CALD1: variants seen among roughly 807,000 people sequenced by gnomAD.
CALD1 encodes caldesmon.
In CALD1, 33 loss-of-function variants were observed where a neutral mutation model predicts 99.9. That is an observed-to-expected ratio of 0.33 (90% CI 0.25 to 0.44). CALD1 has a LOEUF of 0.44. CALD1 is among the 20% of genes least tolerant of loss of function. The pLI, the probability that CALD1 is intolerant of heterozygous loss-of-function variation, is 1.00. For missense variants in CALD1, 861 were observed against 962.1 expected (o/e 0.89, Z 1.39); for synonymous variants, 310 against 325.0 (o/e 0.95, Z 0.50).
At chr7:134,900,524 C>G (rs1053191975) in intron 3 of CALD1, among the ~76,000 whole-genome samples, 5 of 152,100 alleles carry the variant, frequency 3.3e-5, no homozygotes, top group African/African-American at 1.2e-4. Flanking sequence ...AAAAGAGTCT[C>G]AACGCCCCTC....
chr7:134,870,104 T>G (rs943979606), intron 3 of CALD1, among the ~76,000 whole-genome samples: 2 of 152,218 alleles, frequency 1.3e-5, no homozygotes, highest in Non-Finnish European at 2.9e-5. Context: ...CAGGTTTAAG[T>G]GTGCCAGGAT....
chr7:134,847,371 C>T (rs377690069), intron 2 of CALD1, among the ~76,000 whole-genome samples: 46 of 152,224 alleles, frequency 3.0e-4, no homozygotes, highest in African/African-American at 1.1e-3. Context: ...ACTAAGATTC[C>T]TTCCTGTGGG....
In CALD1 at chr7:134,833,138, A is replaced by G. The variant is rs75639749; in HGVS notation, c.-129-10746A>G. ...AGTTATTTGGTGGCAACTGCCAAAA[A>G]TTTTTATTGAATTAATTTATCTTTT... On this transcript the variant is annotated intron_variant, in intron 1 of 14. Coordinates refer to ENST00000361675, the MANE Select transcript of CALD1 (RefSeq NM_033138.4). Among the ~76,000 whole-genome samples, 11 of 152,222 alleles carry G rather than the reference A, an allele frequency of 7.2e-5. 1 individual carries two copies. The East Asian group carries it at 1.3e-3, about 19-fold the overall frequency.
intron 3 of CALD1, chr7:134,899,979 A>G (rs1243802680): frequency 6.6e-6 from 1 of 152,214 alleles, no homozygotes; most frequent in Non-Finnish European, 1.5e-5. Context: ...GAATGTCTAC[A>G]TTCACCTTTT....
intron 1 of CALD1, among the ~76,000 whole-genome samples, chr7:134,782,022 G>A (rs16874570): frequency 0.014 from 2,186 of 152,286 alleles, 51 homozygotes; most frequent in African/African-American, 0.047. Context: ...CCATGTAAAG[G>A]TCCAGAATCT....
upstream of CALD1, among the ~76,000 whole-genome samples, chr7:134,739,386 C>G (rs529422707): frequency 3.9e-5 from 6 of 152,302 alleles, no homozygotes; most frequent in African/African-American, 1.4e-4. Flanking sequence ...CATCAACCCC[C>G]TATACTGTCA....
Position 134,933,489 on chromosome 7 carries a change from AGAG to A in CALD1, c.727_729del (p.Glu243del). Reference sequence around the variant, plus strand: ...AGATCAGTTCAGAAGAGCCTAAACAAGAGGAGGAGAGGGAACAAGGTTCAGATG... The same window carrying A: ...AGATCAGTTCAGAAGAGCCTAAACAAGAGGAGAGGGAACAAGGTTCAGATG... On this transcript the variant is annotated inframe_deletion, in exon 5 of 15. Transcript: ENST00000361675. 6.2e-7 allele frequency: 1 copy of A among 1,614,030 alleles called. No individual in the cohort carries two copies. Among genetic ancestry groups the A allele is most frequent in the Non-Finnish European group, 8.5e-7 (1 of 1,179,984 alleles).
chr7:134,932,979 G>C lies in CALD1; in HGVS notation c.219-9G>C, dbSNP rs772334697. ...AGCTGTCTTTGGTGTTGTTCTTTCTGTTGTACAGTGTGCCTGACGAGGAGG... is the reference window on the plus strand; with the variant it reads ...AGCTGTCTTTGGTGTTGTTCTTTCTCTTGTACAGTGTGCCTGACGAGGAGG... On this transcript the variant is annotated splice_polypyrimidine_tract_variant and intron_variant, in intron 4 of 14. Coordinates refer to ENST00000361675, the MANE Select transcript of CALD1 (RefSeq NM_033138.4). The C allele has an allele frequency of 3.2e-6, 5 of 1,587,130 alleles. 1 individual carries two copies. In the South Asian group the frequency reaches 5.7e-5, roughly 18 times the overall value.
At chr7:134,886,748 G>T (rs934778529) in intron 3 of CALD1, among the ~76,000 whole-genome samples, 37 of 152,228 alleles carry the variant, frequency 2.4e-4, no homozygotes, top group Admixed American at 6.5e-5. Flanking sequence ...TTGAGCGTGA[G>T]AGTGATTAAA....
intron 1 of CALD1, among the ~76,000 whole-genome samples, chr7:134,832,010 C>T (rs1257901814): frequency 2.0e-5 from 3 of 152,228 alleles, no homozygotes; most frequent in Admixed American, 6.5e-5. Flanking sequence ...GATCCTAGGA[C>T]TTTTATAAGC....
At chr7:134,808,666 C>A (rs114292566) in intron 1 of CALD1, among the ~76,000 whole-genome samples, 1 of 152,234 alleles carries the variant, frequency 6.6e-6, no homozygotes, top group Non-Finnish European at 1.5e-5. Flanking sequence ...CCAATCCAAT[C>A]ACATATATTG....
chr7:134,928,114 T>C (rs182300223), intron 3 of CALD1: 2 of 315,948 alleles, frequency 6.3e-6, no homozygotes, highest in East Asian at 2.6e-4. Context: ...TTATTTTTGG[T>C]TCAATACTTT....
At chr7:134,938,154 C>T (rs772531849) in intron 6 of CALD1, among the ~76,000 whole-genome samples, 15 of 152,258 alleles carry the variant, frequency 9.9e-5, no homozygotes, top group Non-Finnish European at 1.3e-4. Context: ...GTCTAGAAGA[C>T]GTCCATGTTA....
chr7:134,760,266 G>A (rs59681571), intron 1 of CALD1, among the ~76,000 whole-genome samples: 1,856 of 152,318 alleles, frequency 0.012, 37 homozygotes, highest in African/African-American at 0.039. Flanking sequence ...GCATAACCCC[G>A]CTTGCACAGT....
rs139434347 is a variant in CALD1 at position 134,967,814 on chromosome 7, G to A, written c.2377-526G>A. Among the ~76,000 whole-genome samples the A allele has an allele frequency of 4.9e-3, 750 of 152,156 alleles. 4 individuals carry two copies. The highest frequency in any genetic ancestry group is 0.02 in the Middle Eastern group (6 of 294). The stretch of plus-strand genomic sequence containing the variant: ...ACATCAAGGAGAAAGACAGGAAGAG[G>A]GAAGTGAAAAAAATCAGCAGAAGGA... On this transcript the variant is annotated intron_variant, in intron 14 of 14. Coordinates refer to ENST00000361675, the MANE Select transcript of CALD1 (RefSeq NM_033138.4).
At chr7:134,818,215 A>C (rs1798632433) in intron 1 of CALD1, among the ~76,000 whole-genome samples, 1 of 152,200 alleles carries the variant, frequency 6.6e-6, no homozygotes, top group South Asian at 2.1e-4. Context: ...TGAGTAATAA[A>C]TTTAGTTTTG....
intron 1 of CALD1, among the ~76,000 whole-genome samples, chr7:134,803,687 G>A (rs1469933029): frequency 7.7e-6 from 1 of 129,180 alleles, no homozygotes; most frequent in African/African-American, 2.9e-5. Context: ...CTGCATAGGT[G>A]TGGGTCTAAT....
chr7:134,782,052 C>G (rs1797125840), intron 1 of CALD1, among the ~76,000 whole-genome samples: 1 of 152,170 alleles, frequency 6.6e-6, no homozygotes, highest in African/African-American at 2.4e-5. Flanking sequence ...ATTCTCTGTT[C>G]TGATAAATAA....
the CALD1 span, among the ~76,000 whole-genome samples, chr7:134,733,238 T>G: frequency 6.6e-6 from 1 of 152,172 alleles, no homozygotes; most frequent in African/African-American, 2.4e-5. Flanking sequence ...AACCCAGTGC[T>G]CAAGAGCAAA....
Sources: allele counts gnomAD v4.1 joint callset (sites outside exome capture counted in the v4.1 genomes callset), GRCh38; gene constraint gnomAD v4.1.1; transcripts MANE v1.5; gene names NCBI Gene and HGNC (gene_info 2026-07-23, HGNC 2026-07-21).